TRAK2: variants seen among roughly 807,000 people sequenced by gnomAD.
The protein encoded by TRAK2 is trafficking kinesin protein 2.
In TRAK2, 81 loss-of-function variants were observed where a neutral mutation model predicts 104.6. That is an observed-to-expected ratio of 0.77 (90% CI 0.65 to 0.93). The LOEUF (loss-of-function observed/expected upper bound fraction) is 0.93, where lower values mean the gene tolerates loss of function less well. Ranked by LOEUF, TRAK2 falls within the 40% of genes least tolerant of loss-of-function variation. The pLI is 0.00. For missense variants in TRAK2, 1,002 were observed against 1,089.0 expected, an observed-to-expected ratio of 0.92 and a Z score of 1.12; for synonymous variants, 406 against 394.4, an observed-to-expected ratio of 1.03 and a Z score of -0.35.
Position 201,379,694 on chromosome 2 carries a change from T to C in TRAK2, c.*849A>G, listed in dbSNP as rs1559434433. 1 of 152,632 alleles carries C rather than the reference T, an allele frequency of 6.6e-6. No homozygotes were observed. Among genetic ancestry groups the C allele is most frequent in the East Asian group, 1.9e-4 (1 of 5,200 alleles). 9.5% of individuals were successfully genotyped at this position (152,632 alleles called of 1,614,324 possible). The stretch of plus-strand genomic sequence containing the variant: ...GAATTTTTAAAAACATGCAATTATG[T>C]TTGTATTCCTTGGCTACTGTACTTA... On this transcript the variant is annotated 3_prime_UTR_variant, in exon 16 of 16. Transcript: ENST00000332624.
At chr2:201,397,613 T>C in intron 6 of TRAK2, 33 bp from the exon 7 acceptor site, 2 of 1,395,066 alleles carry the variant, frequency 1.4e-6, no homozygotes, top group Middle Eastern at 1.8e-4. Flanking sequence ...TGACAATACC[T>C]TCTAGTGATT....
chr2:201,431,823 T>C (rs1451705515), intron 1 of TRAK2, among the ~76,000 whole-genome samples: 2 of 152,176 alleles, frequency 1.3e-5, no homozygotes, highest in Non-Finnish European at 2.9e-5. Context: ...CACCACTTAC[T>C]GGTTGGGTGA....
intron 2 of TRAK2, 113 bp downstream of exon 2, chr2:201,420,302 CAG>C: frequency 1.3e-6 from 1 of 796,596 alleles, no homozygotes; most frequent in Non-Finnish European, 2.1e-6. Flanking sequence ...CTGAGGACAT[CAG>C]ACTAGAAAGG....
At chr2:201,411,325 GA>G in intron 2 of TRAK2, 1 of 756,906 alleles carries the variant, frequency 1.3e-6, no homozygotes, top group Non-Finnish European at 2.5e-6. Context: ...TGTTTATTCT[GA>G]AACCCATCCT....
Position 201,436,053 on chromosome 2 carries a change from A to G in TRAK2, c.-200+15297T>C, listed in dbSNP as rs151297117. ...TACTTCACAAGGGCAGTTGCTGTCA[A>G]TAATTTATATTCCAGGATATTAATA... On this transcript the variant is annotated intron_variant, in intron 1 of 15. Coordinates refer to ENST00000332624, the MANE Select transcript of TRAK2 (RefSeq NM_015049.3). 1.1e-3 allele frequency among the ~76,000 whole-genome samples: 172 copies of G among 152,338 alleles called. 1 individual carries two copies. Among genetic ancestry groups the G allele is most frequent in the Non-Finnish European group, 1.8e-3 (125 of 68,028 alleles).
intron 2 of TRAK2, among the ~76,000 whole-genome samples, chr2:201,414,322 G>C (rs1951673503): frequency 6.6e-6 from 1 of 152,128 alleles, no homozygotes; most frequent in Non-Finnish European, 1.5e-5. Context: ...AAATACTAGG[G>C]CTTAAAATAG....
chr2:201,399,013 G>C (rs1309067465), intron 5 of TRAK2, among the ~76,000 whole-genome samples: 1 of 151,912 alleles, frequency 6.6e-6, no homozygotes, highest in Admixed American at 6.6e-5. Context: ...TTCTTCCTTT[G>C]TTTGGTTTTT....
chr2:201,446,983 A>T (rs1951969766), intron 1 of TRAK2, among the ~76,000 whole-genome samples: 1 of 152,210 alleles, frequency 6.6e-6, no homozygotes, highest in Non-Finnish European at 1.5e-5. Context: ...TGCCCTTTAT[A>T]ATGTTATATT....
intron 1 of TRAK2, among the ~76,000 whole-genome samples, chr2:201,436,880 G>A (rs546125813): frequency 1.3e-5 from 2 of 152,218 alleles, no homozygotes; most frequent in South Asian, 2.1e-4. Flanking sequence ...TTAAAATGGC[G>A]GTGAGTGATG....
chr2:201,424,379 T>A (rs1027711376), intron 1 of TRAK2, among the ~76,000 whole-genome samples: 11 of 152,140 alleles, frequency 7.2e-5, no homozygotes, highest in African/African-American at 2.7e-4. Context: ...AGGAATCAAG[T>A]GATACATTTT....
intron 3 of TRAK2, 58 bp from the exon 4 acceptor site, chr2:201,401,152 A>G: frequency 1.7e-6 from 2 of 1,168,126 alleles, no homozygotes; most frequent in Non-Finnish European, 2.4e-6. Flanking sequence ...AAATTTAAAT[A>G]TTAATAAGAA....
chr2:201,432,799 G>T (rs184330313), intron 1 of TRAK2, among the ~76,000 whole-genome samples: 2 of 152,192 alleles, frequency 1.3e-5, no homozygotes, highest in Admixed American at 1.3e-4. Context: ...CGTAGAGCCT[G>T]GGATTGCAAA....
chr2:201,415,998 T>C (rs577819923), intron 2 of TRAK2, among the ~76,000 whole-genome samples: 1 of 152,190 alleles, frequency 6.6e-6, no homozygotes, highest in Non-Finnish European at 1.5e-5. Context: ...AATGAAATTA[T>C]TCATTTCAAG....
At chr2:201,441,201 T>C (rs1193707467) in intron 1 of TRAK2, among the ~76,000 whole-genome samples, 1 of 152,238 alleles carries the variant, frequency 6.6e-6, no homozygotes, top group African/African-American at 2.4e-5. Context: ...AAAATCTGCA[T>C]AAAAGAGTTT....
chr2:201,415,893 C>T (rs572341795), intron 2 of TRAK2, among the ~76,000 whole-genome samples: 30 of 152,008 alleles, frequency 2.0e-4, no homozygotes, highest in Non-Finnish European at 4.3e-4. Context: ...AAGAAAACCA[C>T]ATCAAAGCAA....
At chr2:201,441,046 A>G (rs1951916542) in intron 1 of TRAK2, among the ~76,000 whole-genome samples, 1 of 152,230 alleles carries the variant, frequency 6.6e-6, no homozygotes, top group South Asian at 2.1e-4. Context: ...AAAAATATCA[A>G]TACACTGAGT....
intron 2 of TRAK2, among the ~76,000 whole-genome samples, chr2:201,417,051 GTTAAATGTA>G (rs1951697719): frequency 6.6e-6 from 1 of 151,074 alleles, no homozygotes; most frequent in Non-Finnish European, 1.5e-5. Context: ...TATCTGTGGA[GTTAAATGTA>G]ACTCCACATT....
At chr2:201,429,735 A>G (rs1008975312) in intron 1 of TRAK2, among the ~76,000 whole-genome samples, 2 of 152,072 alleles carry the variant, frequency 1.3e-5, no homozygotes, top group African/African-American at 2.4e-5. Context: ...GGTCTTCTCT[A>G]TGCTGTTTAT....
At chr2:201,432,806 CA>C (rs1559453424) in intron 1 of TRAK2, among the ~76,000 whole-genome samples, 2 of 151,874 alleles carry the variant, frequency 1.3e-5, no homozygotes, top group African/African-American at 2.4e-5. Context: ...CCTGGGATTG[CA>C]AAAAATGTAA....
Sources: gnomAD v4.1 joint callset for allele counts (sites outside exome capture counted in the v4.1 genomes callset) on GRCh38, gnomAD v4.1.1 for gene constraint, MANE v1.5 for transcripts, NCBI Gene and HGNC (gene_info 2026-07-23, HGNC 2026-07-21) for gene names.